OPCML: variants seen among roughly 807,000 people sequenced by gnomAD.
OPCML encodes the protein opioid-binding protein/cell adhesion molecule.
In OPCML, 13 loss-of-function variants were observed where a neutral mutation model predicts 37.8. The observed-to-expected ratio is 0.34, with a 90% CI of 0.22 to 0.55. OPCML has a LOEUF of 0.55. Among genes scored for constraint, OPCML ranks in the 20% least tolerant of loss-of-function variants. OPCML has a pLI of 0.91. For synonymous variants in OPCML, 176 were observed against 168.8 expected, an observed-to-expected ratio of 1.04 and a Z score of -0.33; for missense variants, 341 against 435.6, an observed-to-expected ratio of 0.78 and a Z score of 1.93.
intron 1 of OPCML, among the ~76,000 whole-genome samples, chr11:132,959,248 C>A (rs1162833212): frequency 6.6e-6 from 1 of 152,150 alleles, no homozygotes; most frequent in Non-Finnish European, 1.5e-5. Context: ...AGCAAGAGAA[C>A]TAGAACTACA....
chr11:133,492,350 T>C (rs890255720), intron 1 of OPCML, among the ~76,000 whole-genome samples: 3 of 152,186 alleles, frequency 2.0e-5, no homozygotes, highest in Non-Finnish European at 4.4e-5. Flanking sequence ...TTTTTTCTTT[T>C]AGTACTTAAT....
chr11:133,433,758 C>T (rs1946175516), intron 1 of OPCML, among the ~76,000 whole-genome samples: 1 of 152,148 alleles, frequency 6.6e-6, no homozygotes, highest in South Asian at 2.1e-4. Context: ...CATCTTCCCC[C>T]TTAACCCACT....
At chr11:132,477,959 G>A (rs1565596264) in intron 4 of OPCML, among the ~76,000 whole-genome samples, 2 of 152,170 alleles carry the variant, frequency 1.3e-5, no homozygotes, top group Non-Finnish European at 2.9e-5. Flanking sequence ...ATATTTCTGA[G>A]ATAATAGCAA....
intron 4 of OPCML, among the ~76,000 whole-genome samples, chr11:132,492,380 A>G (rs1212976222): frequency 6.6e-6 from 1 of 152,112 alleles, no homozygotes; most frequent in Non-Finnish European, 1.5e-5. Flanking sequence ...AGATTCTGAC[A>G]CAATCTGAAG....
chr11:132,662,333 A>T (rs1211813613), intron 2 of OPCML, among the ~76,000 whole-genome samples: 1 of 152,010 alleles, frequency 6.6e-6, no homozygotes, highest in Non-Finnish European at 1.5e-5. Flanking sequence ...AATCAAAATA[A>T]TCACTGAAAA....
chr11:133,209,174 T>G (rs1939246995), intron 1 of OPCML, among the ~76,000 whole-genome samples: 1 of 152,258 alleles, frequency 6.6e-6, no homozygotes, highest in Non-Finnish European at 1.5e-5. Flanking sequence ...ATTTGTTTGA[T>G]GTCTATTTCC....
intron 4 of OPCML, among the ~76,000 whole-genome samples, chr11:132,512,970 A>C (rs2096272072): frequency 6.6e-6 from 1 of 151,980 alleles, no homozygotes; most frequent in South Asian, 2.1e-4. Flanking sequence ...AATTTAAATT[A>C]TGACCGCAAG....
At chr11:133,057,450 G>T (rs12576515) in intron 1 of OPCML, among the ~76,000 whole-genome samples, 1 of 151,858 alleles carries the variant, frequency 6.6e-6, no homozygotes, top group Non-Finnish European at 1.5e-5. Flanking sequence ...GTGCCTTGGA[G>T]ACTCTGCTGT....
At chr11:133,038,366 G>T (rs933037276) in intron 1 of OPCML, among the ~76,000 whole-genome samples, 71 of 152,238 alleles carry the variant, frequency 4.7e-4, no homozygotes, top group Admixed American at 3.8e-3. Context: ...TTTAGGCTTT[G>T]GTTTCTTTAT....
At chr11:132,965,909 A>G (rs560021013) in intron 1 of OPCML, among the ~76,000 whole-genome samples, 6 of 152,100 alleles carry the variant, frequency 3.9e-5, no homozygotes, top group African/African-American at 1.4e-4. Context: ...TTTTATTTCT[A>G]ATTTTAGTAA....
At chr11:132,486,744 A>C (rs2096201126) in intron 4 of OPCML, among the ~76,000 whole-genome samples, 2 of 149,814 alleles carry the variant, frequency 1.3e-5, no homozygotes, top group South Asian at 2.1e-4. Context: ...TCCTCACAAC[A>C]TATTTTGGGA....
chr11:132,798,215 C>T (rs141506360), intron 2 of OPCML, among the ~76,000 whole-genome samples: 2,419 of 152,160 alleles, frequency 0.016, 27 homozygotes, highest in Middle Eastern at 0.031. Context: ...TGACTACAGG[C>T]ATGCACCACC....
chr11:133,420,420 A>T, intron 1 of OPCML: 1 of 985,444 alleles, frequency 1.0e-6, no homozygotes, highest in Non-Finnish European at 1.2e-6. Flanking sequence ...AATGCAGTAT[A>T]TCAGTTGAAT....
chr11:132,993,839 G>A (rs1007114152), intron 1 of OPCML, among the ~76,000 whole-genome samples: 2 of 152,096 alleles, frequency 1.3e-5, no homozygotes, highest in African/African-American at 4.8e-5. Context: ...GGAATCTGAG[G>A]CTGAGGCCGC....
intron 1 of OPCML, among the ~76,000 whole-genome samples, chr11:133,080,380 A>T (rs1449320979): frequency 6.6e-6 from 1 of 151,992 alleles, no homozygotes; most frequent in Non-Finnish European, 1.5e-5. Context: ...CACGGTGAGT[A>T]GGAAGGCCCT....
chr11:133,422,079 T>C (rs2136896224), intron 1 of OPCML: 2 of 943,560 alleles, frequency 2.1e-6, no homozygotes, highest in South Asian at 4.9e-5. Context: ...CCACCCGTCA[T>C]CTACATTAGG....
intron 1 of OPCML, among the ~76,000 whole-genome samples, chr11:133,349,482 A>T (rs533157478): frequency 6.6e-6 from 1 of 152,198 alleles, no homozygotes; most frequent in Non-Finnish European, 1.5e-5. Context: ...AGCAGAAATC[A>T]TCACAGGCTG....
At chr11:132,863,151 T>G (rs984350132) in intron 2 of OPCML, among the ~76,000 whole-genome samples, 1 of 152,058 alleles carries the variant, frequency 6.6e-6, no homozygotes, top group Non-Finnish European at 1.5e-5. Flanking sequence ...ATCAGACCCT[T>G]CCTGCCTGTA....
At chr11:132,479,425 C>A (rs2137004644) in intron 4 of OPCML, among the ~76,000 whole-genome samples, 1 of 152,332 alleles carries the variant, frequency 6.6e-6, no homozygotes, top group Non-Finnish European at 1.5e-5. Flanking sequence ...GCTCAAACTG[C>A]AAGGCAGCAG....
Sources: gnomAD v4.1 joint callset for allele counts (sites outside exome capture counted in the v4.1 genomes callset) on GRCh38, gnomAD v4.1.1 for gene constraint, MANE v1.5 for transcripts, NCBI Gene and HGNC (gene_info 2026-07-23, HGNC 2026-07-21) for gene names.